The following WWOX variants were observed in gnomAD, a reference collection of about 807,000 sequenced individuals.
WWOX encodes WW domain containing oxidoreductase.
WWOX carries 69 observed loss-of-function variants against 46.2 expected under a neutral mutation model. The observed-to-expected ratio is 1.49, with a 90% CI of 1.23 to 1.82. The LOEUF is 1.82. WWOX is among the 40% of genes most tolerant of loss of function. WWOX has a pLI of 0.00. For synonymous variants in WWOX, 359 were observed against 202.6 expected (o/e 1.77, Z -6.56); for missense variants, 919 against 542.6 (o/e 1.69, Z -6.89).
At chr16:78,469,384 T>C (rs571707421) in intron 8 of WWOX, among the ~76,000 whole-genome samples, 8 of 152,118 alleles carry the variant, frequency 5.3e-5, no homozygotes, top group Admixed American at 5.2e-4. Flanking sequence ...ACAAAATACA[T>C]CTCTTCACAG....
rs749824757 is a variant in WWOX at position 78,956,003 on chromosome 16, CAAAA to C, written c.1057-255600_1057-255597del. 2.0e-5 allele frequency among the ~76,000 whole-genome samples: 3 copies of C among 151,188 alleles called. No individual in the cohort carries two copies. The East Asian group carries it at 5.8e-4, about 29-fold the overall frequency. On this transcript the variant is annotated intron_variant, in intron 8 of 8. Transcript: ENST00000566780. ...AAAAAACAAAAAACAAAAAAAAACA[CAAAA>C]AAAACTTTTTTTTTTAGAACTGTTT...
chr16:78,566,387 C>A (rs1375372240), intron 8 of WWOX, among the ~76,000 whole-genome samples: 1 of 152,164 alleles, frequency 6.6e-6, no homozygotes, highest in Admixed American at 6.5e-5. Flanking sequence ...AGTGGGAGAA[C>A]ATGGTATCAG....
chr16:78,627,196 G>T (rs1038620682), intron 8 of WWOX, among the ~76,000 whole-genome samples: 11 of 151,954 alleles, frequency 7.2e-5, no homozygotes, highest in African/African-American at 2.4e-4. Context: ...GCATAATTTA[G>T]GCCCCTTTCA....
chr16:78,626,409 C>T (rs553969278), intron 8 of WWOX, among the ~76,000 whole-genome samples: 1 of 152,162 alleles, frequency 6.6e-6, no homozygotes, highest in South Asian at 2.1e-4. Context: ...TTGAGGAGTG[C>T]TGGTTGGGTA....
At chr16:78,686,170 G>T (rs1467173100) in intron 8 of WWOX, among the ~76,000 whole-genome samples, 1 of 152,130 alleles carries the variant, frequency 6.6e-6, no homozygotes, top group Non-Finnish European at 1.5e-5. Context: ...ATAGGAATCT[G>T]GTTCTCAAAG....
intron 5 of WWOX, among the ~76,000 whole-genome samples, chr16:78,165,212 A>G (rs1207901322): frequency 6.6e-6 from 1 of 152,140 alleles, no homozygotes; most frequent in Non-Finnish European, 1.5e-5. Flanking sequence ...TGATTTTTGA[A>G]ACATCGCTGG....
At chr16:78,877,270 T>C (rs916090102) in intron 8 of WWOX, among the ~76,000 whole-genome samples, 2 of 140,204 alleles carry the variant, frequency 1.4e-5, no homozygotes, top group East Asian at 4.1e-4. Flanking sequence ...CTGTATGCCC[T>C]GCCTGCCTCC....
At chr16:78,775,105 C>G (rs564698539) in intron 8 of WWOX, among the ~76,000 whole-genome samples, 2 of 152,302 alleles carry the variant, frequency 1.3e-5, no homozygotes, top group African/African-American at 4.8e-5. Context: ...CACCAACTCA[C>G]TCCATCAAAT....
chr16:79,119,686 G>T (rs912952483), intron 8 of WWOX, among the ~76,000 whole-genome samples: 6 of 152,212 alleles, frequency 3.9e-5, no homozygotes, highest in African/African-American at 1.2e-4. Context: ...CGGGAGGACA[G>T]TATGCTTTTC....
At chr16:78,879,678 G>A (rs1167202217) in intron 8 of WWOX, among the ~76,000 whole-genome samples, 1 of 152,106 alleles carries the variant, frequency 6.6e-6, no homozygotes, top group Non-Finnish European at 1.5e-5. Flanking sequence ...GGGAGTTCGA[G>A]ACCAGTCTGA....
chr16:78,761,113 C>T (rs936889272), intron 8 of WWOX, among the ~76,000 whole-genome samples: 1 of 152,148 alleles, frequency 6.6e-6, no homozygotes, highest in Non-Finnish European at 1.5e-5. Flanking sequence ...GGGGACAGAG[C>T]CAAACCATAT....
At chr16:78,529,110 T>A (rs1235411674) in intron 8 of WWOX, among the ~76,000 whole-genome samples, 4 of 151,386 alleles carry the variant, frequency 2.6e-5, no homozygotes, top group Non-Finnish European at 5.9e-5. Context: ...CACACTACCA[T>A]GCCCAGCTAA....
chr16:78,885,135 T>TG (rs1420340439), intron 8 of WWOX, among the ~76,000 whole-genome samples: 2 of 151,688 alleles, frequency 1.3e-5, no homozygotes, highest in African/African-American at 4.9e-5. Flanking sequence ...GTGGGCTAAA[T>TG]GGCCAGCCCT....
At chr16:78,773,453 C>G (rs976315860) in intron 8 of WWOX, among the ~76,000 whole-genome samples, 14 of 152,178 alleles carry the variant, frequency 9.2e-5, no homozygotes, top group African/African-American at 2.4e-4. Context: ...ACATTCCTCC[C>G]TCATTTAAAA....
intron 8 of WWOX, among the ~76,000 whole-genome samples, chr16:78,574,598 T>A (rs1291063759): frequency 2.0e-5 from 3 of 152,148 alleles, no homozygotes; most frequent in Admixed American, 2.0e-4. Context: ...ATTTCATCCT[T>A]TTTATGGCTG....
intron 8 of WWOX, among the ~76,000 whole-genome samples, chr16:78,713,987 C>T (rs74029910): frequency 5.9e-5 from 9 of 152,084 alleles, no homozygotes; most frequent in African/African-American, 7.2e-5. Flanking sequence ...CTTGTGTGTA[C>T]TCTAGTTCTC....
At chr16:78,679,613 T>A (rs2047683352) in intron 8 of WWOX, among the ~76,000 whole-genome samples, 2 of 152,190 alleles carry the variant, frequency 1.3e-5, no homozygotes, top group African/African-American at 4.8e-5. Flanking sequence ...TCCCCACCTC[T>A]TTTAATTCTT....
chr16:78,394,038 C>A (rs2082234537), intron 6 of WWOX, among the ~76,000 whole-genome samples: 1 of 152,240 alleles, frequency 6.6e-6, no homozygotes, highest in East Asian at 1.9e-4. Context: ...TCAAATCCAT[C>A]TAGGGAAGTG....
At position 78,649,267 on chromosome 16, in the gene WWOX, G is replaced by C. The variant is rs891766081; in HGVS notation, c.1056+216515G>C. ...TCCGAAGTGCTGGGATTACAGGCGT[G>C]AGCCACCGTGACTGACCTGTTTTTA... is the stretch of plus-strand genomic sequence containing the variant. On this transcript the variant is annotated intron_variant, in intron 8 of 8. Transcript: ENST00000566780. Among the ~76,000 whole-genome samples, 10 of 152,160 alleles carry C rather than the reference G, an allele frequency of 6.6e-5. No homozygotes were observed. In the East Asian group the frequency reaches 1.7e-3, roughly 26 times the overall value.
Sources: allele counts gnomAD v4.1 joint callset (sites outside exome capture counted in the v4.1 genomes callset), GRCh38; gene constraint gnomAD v4.1.1; transcripts MANE v1.5; gene names NCBI Gene and HGNC (gene_info 2026-07-23, HGNC 2026-07-21).